PTPRD: variants seen among roughly 807,000 people sequenced by gnomAD.
PTPRD encodes the protein protein tyrosine phosphatase receptor type D, also known as receptor-type tyrosine-protein phosphatase delta.
PTPRD carries 34 observed loss-of-function variants against 214.5 expected under a neutral mutation model. The ratio of observed to expected loss-of-function variants is 0.16; its 90% confidence interval spans 0.12 to 0.21. The LOEUF (loss-of-function observed/expected upper bound fraction) is 0.21. Among genes scored for constraint, PTPRD ranks in the 10% least tolerant of loss-of-function variants. The pLI is 1.00. For missense variants in PTPRD, 2,545 were observed against 2,398.7 expected (o/e 1.06, Z -1.27); for synonymous variants, 1,128 against 845.7 (o/e 1.33, Z -5.79).
At chr9:9,540,932 G>C (rs2077462720) in intron 8 of PTPRD, among the ~76,000 whole-genome samples, 1 of 151,768 alleles carries the variant, frequency 6.6e-6, no homozygotes, top group South Asian at 2.1e-4. Flanking sequence ...CAATAGATAA[G>C]CTAAAAGACT....
intron 2 of PTPRD, among the ~76,000 whole-genome samples, chr9:10,582,941 T>G (rs948402216): frequency 6.6e-6 from 1 of 152,034 alleles, no homozygotes; most frequent in Admixed American, 6.5e-5. Flanking sequence ...TGACATAGGA[T>G]AGAGGGAGGA....
chr9:9,653,512 C>T (rs1318243497), intron 7 of PTPRD, among the ~76,000 whole-genome samples: 1 of 151,846 alleles, frequency 6.6e-6, no homozygotes, highest in Non-Finnish European at 1.5e-5. Context: ...TAAACTTGTC[C>T]AGAAGCATCA....
rs201698694 is a variant in PTPRD at position 9,116,177 on chromosome 9, C to CA, written c.-143+67126dup. 9.2e-3 allele frequency among the ~76,000 whole-genome samples: 1,401 copies of CA among 152,182 alleles called. 27 individuals carry two copies. The highest frequency in any genetic ancestry group is 0.032 in the African/African-American group (1,339 of 41,498). On this transcript the variant is annotated intron_variant, in intron 10 of 45. Transcript: ENST00000381196. ...AACATCACACAATATACTCACGTAA[C>CA]AAACTGCTCATGTACTCCCTGAATC...
intron 8 of PTPRD, among the ~76,000 whole-genome samples, chr9:9,530,646 G>T (rs1024112959): frequency 1.5e-4 from 23 of 152,132 alleles, no homozygotes; most frequent in African/African-American, 4.1e-4. Flanking sequence ...TGGATGAATG[G>T]ATAAAGAAAA....
chr9:9,360,966 A>C (rs2055902644), intron 9 of PTPRD, among the ~76,000 whole-genome samples: 1 of 151,202 alleles, frequency 6.6e-6, no homozygotes, highest in East Asian at 1.9e-4. Context: ...TGTAAAAAGA[A>C]AGAACTGCAG....
In PTPRD at chr9:10,523,601, GTATATATATA is replaced by G. The variant is rs201455705; in HGVS notation, c.-600+88787_-600+88796del. 1.7e-4 allele frequency among the ~76,000 whole-genome samples: 11 copies of G among 64,336 alleles called. 1 individual carries two copies. Among genetic ancestry groups the G allele is most frequent in the South Asian group, 7.5e-4 (1 of 1,328 alleles). 42.2% of individuals were successfully genotyped at this position (64,336 alleles called of 152,430 possible). A position where few individuals can be genotyped will look rare whatever the true frequency, so the allele number is the denominator to read the frequency against. On this transcript the variant is annotated intron_variant, in intron 2 of 45. Transcript: ENST00000381196. Reference sequence around the variant, plus strand: ...CAATATTTTTCAAGTATATTTATCTGTATATATATATATATATATATAGACAGAAAGAAAG... The same window carrying G: ...CAATATTTTTCAAGTATATTTATCTGTATATATATATAGACAGAAAGAAAG...
At chr9:9,179,251 C>T (rs1287030004) in intron 10 of PTPRD, among the ~76,000 whole-genome samples, 2 of 152,220 alleles carry the variant, frequency 1.3e-5, no homozygotes, top group South Asian at 2.1e-4. Context: ...TACTGCATAG[C>T]ATTTAATCAA....
intron 10 of PTPRD, among the ~76,000 whole-genome samples, chr9:9,074,945 TATCACAGATC>T (rs2099748897): frequency 6.6e-6 from 1 of 151,984 alleles, no homozygotes; most frequent in African/African-American, 2.4e-5. Context: ...TCATGTACCT[TATCACAGATC>T]ACTGACAATA....
intron 9 of PTPRD, among the ~76,000 whole-genome samples, chr9:9,360,161 T>C (rs2055493372): frequency 6.6e-6 from 1 of 151,068 alleles, no homozygotes. Flanking sequence ...GAAGTGATTC[T>C]AAAAATCTGA....
At chr9:10,236,901 T>A (rs902008511) in intron 3 of PTPRD, among the ~76,000 whole-genome samples, 1 of 151,930 alleles carries the variant, frequency 6.6e-6, no homozygotes. Context: ...CTTACACCAT[T>A]AAGTATTAAA....
At chr9:9,236,236 A>C (rs2134104922) in intron 9 of PTPRD, among the ~76,000 whole-genome samples, 1 of 152,252 alleles carries the variant, frequency 6.6e-6, no homozygotes, top group African/African-American at 2.4e-5. Flanking sequence ...CTGGGCAACA[A>C]GAACAAAACC....
intron 8 of PTPRD, among the ~76,000 whole-genome samples, chr9:9,435,600 G>A (rs10977744): frequency 0.069 from 10,447 of 151,970 alleles, 412 homozygotes; most frequent in Non-Finnish European, 0.089. Flanking sequence ...TTCTTTTATT[G>A]GATTTTTCAA....
intron 9 of PTPRD, among the ~76,000 whole-genome samples, chr9:9,229,543 C>T (rs2099961769): frequency 6.6e-6 from 1 of 152,030 alleles, no homozygotes; most frequent in Non-Finnish European, 1.5e-5. Context: ...CTAGACTGTA[C>T]AAAAATGTTG....
chr9:9,273,124 C>T (rs1050273141), intron 9 of PTPRD, among the ~76,000 whole-genome samples: 6 of 151,252 alleles, frequency 4.0e-5, no homozygotes. Flanking sequence ...CATCTTCATG[C>T]ATTCCATTGT....
chr9:8,942,221 C>G (rs998233107), intron 11 of PTPRD, among the ~76,000 whole-genome samples: 1 of 152,088 alleles, frequency 6.6e-6, no homozygotes, highest in African/African-American at 2.4e-5. Context: ...TTTTGCCCCC[C>G]TGTCTATCAT....
chr9:9,955,145 C>A (rs566387292), intron 4 of PTPRD, among the ~76,000 whole-genome samples: 14 of 152,240 alleles, frequency 9.2e-5, no homozygotes, highest in African/African-American at 3.4e-4. Context: ...GTAGTCAGGT[C>A]CTCTTAAGTA....
At chr9:10,595,120 G>A (rs775966763) in intron 2 of PTPRD, among the ~76,000 whole-genome samples, 3 of 151,818 alleles carry the variant, frequency 2.0e-5, no homozygotes, top group Non-Finnish European at 2.9e-5. Context: ...CTCTGCAGAG[G>A]TACAATTTTC....
intron 12 of PTPRD, among the ~76,000 whole-genome samples, chr9:8,726,420 C>G (rs1165103265): frequency 6.7e-6 from 1 of 149,634 alleles, no homozygotes; most frequent in Non-Finnish European, 1.5e-5. Flanking sequence ...AAAACCATCT[C>G]TACAAAAAAA....
intron 11 of PTPRD, among the ~76,000 whole-genome samples, chr9:8,942,505 A>G (rs2099040020): frequency 6.6e-6 from 1 of 152,158 alleles, no homozygotes; most frequent in Non-Finnish European, 1.5e-5. Flanking sequence ...CACTTCACTG[A>G]GTGTGGCCAG....
Sources: gnomAD v4.1 joint callset for allele counts (sites outside exome capture counted in the v4.1 genomes callset) on GRCh38, gnomAD v4.1.1 for gene constraint, MANE v1.5 for transcripts, NCBI Gene and HGNC (gene_info 2026-07-23, HGNC 2026-07-21) for gene names.